WIPF2: variants seen among roughly 807,000 people sequenced by gnomAD.
The protein encoded by WIPF2 is WAS/WASL interacting protein family member 2, also known as WAS/WASL-interacting protein family member 2.
In WIPF2, 23 loss-of-function variants were observed where a neutral mutation model predicts 38.8. That is an observed-to-expected ratio of 0.59 (90% CI 0.43 to 0.84). The LOEUF is 0.84. Ranked by LOEUF, WIPF2 falls within the 40% of genes least tolerant of loss-of-function variation. WIPF2 has a pLI of 0.00. For synonymous variants in WIPF2, 210 were observed against 223.2 expected (o/e 0.94, Z 0.53); for missense variants, 574 against 580.5 (o/e 0.99, Z 0.11).
chr17:40,234,981 C>G lies in WIPF2; in HGVS notation c.-70+15489C>G, dbSNP rs1043375066. On this transcript the variant is annotated intron_variant, in intron 1 of 7. Transcript: ENST00000323571. Reference sequence around the variant, plus strand: ...ACCCAGGCTGGAGTGCAGAGTGGCGCGATCTCAGCTCACTGCAAGCTCTGC... The same window carrying G: ...ACCCAGGCTGGAGTGCAGAGTGGCGGGATCTCAGCTCACTGCAAGCTCTGC... 2.0e-5 allele frequency among the ~76,000 whole-genome samples: 3 copies of G among 151,528 alleles called. No homozygotes were observed. The East Asian group carries it at 5.8e-4, about 29-fold the overall frequency.
intron 1 of WIPF2, among the ~76,000 whole-genome samples, chr17:40,227,327 C>G (rs1223884578): frequency 6.6e-6 from 1 of 152,062 alleles, no homozygotes; most frequent in Non-Finnish European, 1.5e-5. Context: ...GTGTGAGTCA[C>G]TGCTCCTGGC....
In WIPF2 at chr17:40,219,368, T is replaced by TGGCGGCGGTGGC. The variant is rs1555557733; in HGVS notation, c.-186_-185insTGGCGGCGGCGG. On this transcript the variant is annotated 5_prime_UTR_variant, in exon 1 of 8. Transcript: ENST00000323571. ...ATTTCCGGGTTGGCAAAAGGGGCGGTGGCGGCGGCGGCGGCGGCGGCGGCG... is the reference window on the plus strand; with the variant it reads ...ATTTCCGGGTTGGCAAAAGGGGCGGTGGCGGCGGTGGCGGCGGCGGCGGCGGCGGCGGCGGCG... 2.7e-6 allele frequency: 1 copy of TGGCGGCGGTGGC among 371,840 alleles called. No homozygotes were observed. The highest frequency in any genetic ancestry group is 2.3e-5 in the African/African-American group (1 of 42,626). The allele number at this position is 371,840 out of a possible 1,614,324, so 23.0% of individuals were successfully genotyped here.
intron 1 of WIPF2, among the ~76,000 whole-genome samples, chr17:40,228,536 C>T (rs1165479384): frequency 1.3e-5 from 2 of 151,902 alleles, no homozygotes; most frequent in African/African-American, 4.8e-5. Flanking sequence ...GTTCGTTATT[C>T]ATTTATTCAA....
chr17:40,236,631 C>T (rs1170666521), intron 1 of WIPF2, among the ~76,000 whole-genome samples: 7 of 139,498 alleles, frequency 5.0e-5, no homozygotes, highest in Non-Finnish European at 4.6e-5. Context: ...TTTTTTAAGA[C>T]GGAGTCTCAC....
At chr17:40,256,585 A>G (rs2031738644) in intron 2 of WIPF2, 63 bp downstream of exon 2, 8 of 1,521,026 alleles carry the variant, frequency 5.3e-6, no homozygotes, top group African/African-American at 1.4e-5. Flanking sequence ...TGGTCCTCAC[A>G]TACTTTTTTT....
intron 1 of WIPF2, among the ~76,000 whole-genome samples, chr17:40,231,678 G>A (rs374067099): frequency 1.3e-5 from 2 of 151,878 alleles, no homozygotes; most frequent in East Asian, 1.9e-4. Flanking sequence ...CCGCCTTGGC[G>A]CCTCAAAGTG....
intron 1 of WIPF2, among the ~76,000 whole-genome samples, chr17:40,222,254 G>A (rs1166655048): frequency 1.3e-5 from 2 of 151,688 alleles, no homozygotes; most frequent in African/African-American, 2.4e-5. Flanking sequence ...GGGTTTCACC[G>A]TATTGGCCAG....
At chr17:40,232,427 C>G in intron 1 of WIPF2, among the ~76,000 whole-genome samples, 1 of 149,740 alleles carries the variant, frequency 6.7e-6, no homozygotes, top group South Asian at 2.1e-4. Context: ...TGACCTCAAG[C>G]AGTCCACCCG....
chr17:40,249,520 G>A, intron 1 of WIPF2, among the ~76,000 whole-genome samples: 1 of 151,762 alleles, frequency 6.6e-6, no homozygotes, highest in East Asian at 1.9e-4. Context: ...CGCAATCTTG[G>A]CTCACTGCAA....
chr17:40,264,858 C>G lies in WIPF2; in HGVS notation c.682C>G (p.Pro228Ala). 4 of 1,614,170 alleles carry G rather than the reference C, an allele frequency of 2.5e-6. No individual in the cohort carries two copies. In the South Asian group the frequency reaches 4.4e-5, roughly 18 times the overall value. ...TGGTCGAGAGGGACCTCCTGCTCCA[C>G]CCCCAGTCAAACCACCTCCTTCCCC... ...HPGREGPPAP[P>A]PVKPPPSPVN... The change falls in exon 5 of 8, where the codon CCC becomes GCC. Residue 228 changes from proline (P) to alanine (A), a missense_variant. By Grantham distance (27) the Pro-to-Ala change is conservative. Transcript: ENST00000323571.
At chr17:40,265,457 G>C (rs1230788341) in intron 5 of WIPF2, among the ~76,000 whole-genome samples, 3 of 152,204 alleles carry the variant, frequency 2.0e-5, no homozygotes, top group Non-Finnish European at 2.9e-5. Flanking sequence ...GGAGTGGGGA[G>C]AGAGTCAGGA....
chr17:40,268,673 C>T (rs1334703318), intron 5 of WIPF2, among the ~76,000 whole-genome samples: 1 of 152,024 alleles, frequency 6.6e-6, no homozygotes, highest in Non-Finnish European at 1.5e-5. Flanking sequence ...TCAAGCCATC[C>T]TCCCACCTTG....
intron 1 of WIPF2, among the ~76,000 whole-genome samples, chr17:40,236,867 A>G (rs1467945643): frequency 1.3e-5 from 2 of 151,920 alleles, no homozygotes; most frequent in Non-Finnish European, 1.5e-5. Context: ...TCGGCCTCCC[A>G]AGGTTTCTAA....
chr17:40,243,151 T>G (rs1457576801), intron 1 of WIPF2, among the ~76,000 whole-genome samples: 1 of 152,150 alleles, frequency 6.6e-6, no homozygotes, highest in Admixed American at 6.6e-5. Context: ...TATCTAATAT[T>G]TACCACATAA....
rs1471416206 is a variant in WIPF2, at chr17:40,220,942, A to AT, written c.-70+1459dup. 8.7e-5 allele frequency among the ~76,000 whole-genome samples: 13 copies of AT among 149,658 alleles called. No homozygotes were observed. The South Asian group carries it at 2.6e-3, about 29-fold the overall frequency. ...AGGTGCCCACCACCACACCTGGCTA[A>AT]TTTTTTTTTGAATTTTTAGTAGAGA... On this transcript the variant is annotated intron_variant, in intron 1 of 7. Transcript: ENST00000323571.
chr17:40,273,494 CT>C (rs1401285877), intron 5 of WIPF2: 1 of 376,142 alleles, frequency 2.7e-6, no homozygotes, highest in African/African-American at 2.1e-5. Flanking sequence ...AGAGAACAGG[CT>C]AAATATAAGG....
chr17:40,220,569 GTGTGTATATATATATATATATA>G (rs1449474708), intron 1 of WIPF2: 4 of 92,012 alleles, frequency 4.3e-5, no homozygotes, highest in African/African-American at 1.9e-4. Context: ...TAACGTGTGT[GTGTGTATATATATATATATATA>G]TATATATATA....
At chr17:40,223,177 T>A (rs2030327203) in intron 1 of WIPF2, among the ~76,000 whole-genome samples, 1 of 151,602 alleles carries the variant, frequency 6.6e-6, no homozygotes, top group African/African-American at 2.4e-5. Context: ...AGAGTCTTGC[T>A]GTATTGCCCA....
chr17:40,271,175 C>T (rs1311585307), intron 5 of WIPF2, among the ~76,000 whole-genome samples: 1 of 152,128 alleles, frequency 6.6e-6, no homozygotes, highest in Non-Finnish European at 1.5e-5. Flanking sequence ...GAGGTTTCAT[C>T]ATGTTGCCCA....
Sources: allele counts gnomAD v4.1 joint callset (sites outside exome capture counted in the v4.1 genomes callset), GRCh38; gene constraint gnomAD v4.1.1; transcripts MANE v1.5; gene names NCBI Gene and HGNC (gene_info 2026-07-23, HGNC 2026-07-21).